The following ZNF749 variants were observed in gnomAD, a reference collection of about 807,000 sequenced individuals.
ZNF749 encodes the protein zinc finger protein 749.
ZNF749 carries 8 observed loss-of-function variants against 7.3 expected under a neutral mutation model. The observed-to-expected ratio is 1.10, with a 90% CI of 0.64 to 1.98. The LOEUF (loss-of-function observed/expected upper bound fraction) is 1.98, where lower values mean the gene tolerates loss of function less well. Among genes scored for constraint, ZNF749 ranks in the 30% most tolerant of loss-of-function variants. The probability of loss-of-function intolerance (pLI) is 0.00; values close to 1 mark genes in which losing one functional copy is unlikely to be tolerated. For synonymous variants in ZNF749, 310 were observed against 322.4 expected, an observed-to-expected ratio of 0.96 and a Z score of 0.41; for missense variants, 898 against 932.4, an observed-to-expected ratio of 0.96 and a Z score of 0.48.
Position 57,444,532 on chromosome 19 carries a change from G to A in ZNF749, c.1384G>A (p.Asp462Asn), listed in dbSNP as rs764690916. Residue 462 changes from aspartate (D) to asparagine (N), a missense_variant, in exon 3 of 3, where the codon GAT (aspartate) becomes AAT (asparagine). Physicochemically the swap from Asp to Asn is conservative, Grantham distance 23. Coordinates refer to ENST00000334181, the MANE Select transcript of ZNF749 (RefSeq NM_001023561.4). The part of the protein sequence containing the change: ...HLVQHQKIHT[D>N]AFSKRSDLIQ... ...AGTTCAGCACCAGAAAATCCACACT[G>A]ATGCATTTTCAAAAAGGTCTGACCT... is the stretch of plus-strand genomic sequence containing the variant. 5.6e-6 allele frequency: 9 copies of A among 1,613,792 alleles called. No homozygotes were observed. In the Admixed American group the frequency reaches 1.3e-4, roughly 24 times the overall value.
At position 57,442,101 on chromosome 19, in the gene ZNF749, T is replaced by C; in HGVS notation, c.142+90T>C. ...CAACTCTGTCTTTCCCACACCAGAT[T>C]GTGAGTGCTACGTCCTGTCCTCTCC... On this transcript the variant is annotated intron_variant, in intron 2 of 2. Transcript: ENST00000334181. This position sits in a 1 kb window ranked among gnomAD's most constrained non-coding sequence, Gnocchi z 6.6. 2 of 1,532,060 alleles carry C rather than the reference T, an allele frequency of 1.3e-6. No individual in the cohort carries two copies. The highest frequency in any genetic ancestry group is 1.8e-6 in the Non-Finnish European group (2 of 1,126,086). The allele number at this position is 1,532,060 out of a possible 1,614,324, so 94.9% of individuals were successfully genotyped here. A position where few individuals can be genotyped will look rare whatever the true frequency, so the allele number is the denominator to read the frequency against.
At position 57,442,932 on chromosome 19, in the gene ZNF749, G is replaced by T. The variant is rs1390734858; in HGVS notation, c.143-359G>T. Among the ~76,000 whole-genome samples, 4 of 152,092 alleles carry T rather than the reference G, an allele frequency of 2.6e-5. No homozygotes were observed. Among genetic ancestry groups the T allele is most frequent in the Admixed American group, 2.0e-4 (3 of 15,254 alleles). On this transcript the variant is annotated intron_variant, in intron 2 of 2. Transcript: ENST00000334181. This position sits in a 1 kb window ranked among gnomAD's most constrained non-coding sequence, Gnocchi z 6.6. ...TGACCTGTACTTTAGGTGTTATGAG[G>T]TCTGCGTGTATCCTTCAGTAGTCCA...
chr19:57,435,727 C>G, intron 1 of ZNF749, 134 bp downstream of exon 1: 7 of 1,455,096 alleles, frequency 4.8e-6, no homozygotes, highest in South Asian at 1.4e-5. Context: ...GGGACTGGGA[C>G]TGCGGTGCGA....
In ZNF749 at chr19:57,443,354, T is replaced by C. The variant is rs1294554099; in HGVS notation, c.206T>C (p.Leu69Ser). 6.2e-7 allele frequency: 1 copy of C among 1,614,162 alleles called. No individual in the cohort carries two copies. Among genetic ancestry groups the C allele is most frequent in the Non-Finnish European group, 8.5e-7 (1 of 1,179,992 alleles). The change falls in exon 3 of 3, where the codon TTA (leucine) becomes TCA (serine). Residue 69 changes from leucine to serine, a missense_variant. By Grantham distance (145) the Leu-to-Ser change is moderately radical. Coordinates refer to ENST00000334181, the MANE Select transcript of ZNF749 (RefSeq NM_001023561.4). ...AAGCAGTGTGTTTCTGTAAGAGTGTTACAGGTCACAATTCCAAAGCCAGCT... is the reference window on the plus strand; with the variant it reads ...AAGCAGTGTGTTTCTGTAAGAGTGTCACAGGTCACAATTCCAAAGCCAGCT... The part of the protein sequence containing the change: ...PSKQCVSVRV[L>S]QVTIPKPALS...
chr19:57,429,611 AG>A, the ZNF749 span, among the ~76,000 whole-genome samples: 1 of 152,264 alleles, frequency 6.6e-6, no homozygotes, highest in Admixed American at 6.5e-5. The surrounding 1 kb of genome is among the most constrained non-coding windows in gnomAD (Gnocchi z 4.2). Context: ...CCAAGTAGCT[AG>A]GACTAAAAGT....
At chr19:57,435,794 C>A in intron 1 of ZNF749, 1 of 1,114,150 alleles carries the variant, frequency 9.0e-7, no homozygotes, top group South Asian at 1.6e-5. Context: ...GGAGGCACTG[C>A]AGAACGGGCG....
rs1464520408 is a variant in ZNF749, at chr19:57,436,531, G to A, written c.15+938G>A. On this transcript the variant is annotated intron_variant, in intron 1 of 2. Transcript: ENST00000334181. The surrounding 1 kb of genome is among the most constrained non-coding windows in gnomAD (Gnocchi z 4.0). ...TTTCTGTTGAAAAAGAGGCCTGGAT[G>A]GATAAGGAGTTGCCCTGGAATACAG... 6.6e-6 allele frequency among the ~76,000 whole-genome samples: 1 copy of A among 152,102 alleles called. No individual in the cohort carries two copies. The highest frequency in any genetic ancestry group is 2.4e-5 in the African/African-American group (1 of 41,406).
chr19:57,435,627 C>T, intron 1 of ZNF749, 34 bp downstream of exon 1: 2 of 1,597,500 alleles, frequency 1.3e-6, no homozygotes, highest in Non-Finnish European at 1.7e-6. Context: ...CCCGCCCAAC[C>T]CCTCCTCCCA....
Position 57,444,677 on chromosome 19 carries a change from C to T in ZNF749, c.1529C>T (p.Pro510Leu). 6.2e-7 allele frequency: 1 copy of T among 1,609,556 alleles called. No homozygotes were observed. The highest frequency in any genetic ancestry group is 8.5e-7 in the Non-Finnish European group (1 of 1,178,662). ...GHQKIHTGER[P>L]YECTQCAKAF... ...CAGAAAATCCATACTGGAGAACGGC[C>T]TTATGAATGCACTCAATGTGCGAAG... Residue 510 changes from proline to leucine, a missense_variant, in exon 3 of 3, where the codon CCT becomes CTT. By Grantham distance (98) the Pro-to-Leu change is moderately conservative (BLOSUM62 -3). Coordinates refer to ENST00000334181, the MANE Select transcript of ZNF749 (RefSeq NM_001023561.4).
Position 57,445,223 on chromosome 19 carries a change from G to A in ZNF749, c.2075G>A (p.Gly692Glu). The A allele has an allele frequency of 6.2e-7, 1 of 1,614,022 alleles. No individual in the cohort carries two copies. Among genetic ancestry groups the A allele is most frequent in the Non-Finnish European group, 8.5e-7 (1 of 1,179,920 alleles). The change falls in exon 3 of 3, where the codon GGG becomes GAG. Residue 692 changes from glycine (G) to glutamate (E), a missense_variant. Physicochemically the swap from Gly to Glu is moderately conservative, Grantham distance 98. Transcript: ENST00000334181. ...ATTAAACATCATAAAGTTTGCACTG[G>A]GGAGAAGCCTCATGAGTGCAGTAAA... ...TFIKHHKVCT[G>E]EKPHECSKCR...
chr19:57,435,348 T>G lies in ZNF749; in HGVS notation c.-231T>G, dbSNP rs2088923259. Reference sequence around the variant, plus strand: ...GGACTTCTGGCGGCGCCCTCATGGTTGCGTTAGCATGGCTACCTAGGGATC... The same window carrying G: ...GGACTTCTGGCGGCGCCCTCATGGTGGCGTTAGCATGGCTACCTAGGGATC... On this transcript the variant is annotated 5_prime_UTR_variant, in exon 1 of 3. Coordinates refer to ENST00000334181, the MANE Select transcript of ZNF749 (RefSeq NM_001023561.4). 4 of 628,312 alleles carry G rather than the reference T, an allele frequency of 6.4e-6. No individual in the cohort carries two copies. Among genetic ancestry groups the G allele is most frequent in the Non-Finnish European group, 1.1e-5 (4 of 361,560 alleles). The allele number at this position is 628,312 out of a possible 1,614,324, so 38.9% of individuals were successfully genotyped here. A position where few individuals can be genotyped will look rare whatever the true frequency, so the allele number is the denominator to read the frequency against.
chr19:57,430,386 G>T (rs756786713), upstream of ZNF749, among the ~76,000 whole-genome samples: 2 of 152,148 alleles, frequency 1.3e-5, no homozygotes, highest in Non-Finnish European at 2.9e-5. Context: ...ATGATCTGAA[G>T]CCTCTTAAAG....
Position 57,435,384 on chromosome 19 carries a change from T to C in ZNF749, c.-195T>C. ...GGCTACCTAGGGATCTGTTCACTGATTTAGAGGGTCCCAGAGCTCTGGGTC... is the reference window on the plus strand; with the variant it reads ...GGCTACCTAGGGATCTGTTCACTGACTTAGAGGGTCCCAGAGCTCTGGGTC... On this transcript the variant is annotated 5_prime_UTR_variant, in exon 1 of 3. Coordinates refer to ENST00000334181, the MANE Select transcript of ZNF749 (RefSeq NM_001023561.4). 1.3e-6 allele frequency: 1 copy of C among 776,024 alleles called. No homozygotes were observed. The highest frequency in any genetic ancestry group is 2.1e-6 in the Non-Finnish European group (1 of 480,442). 48.1% of individuals were successfully genotyped at this position (776,024 alleles called of 1,614,324 possible).
At position 57,443,488 on chromosome 19, in the gene ZNF749, T is replaced by C; in HGVS notation, c.340T>C (p.Cys114Arg). Residue 114 changes from cysteine (C) to arginine (R), a missense_variant, in exon 3 of 3, where the codon TGT becomes CGT. Transcript: ENST00000334181. Reference protein sequence around the residue: ...GTHPEQGLYTCAAEHDLHQKE... With the variant: ...GTHPEQGLYTRAAEHDLHQKE... ...ACACCCTGAGCAAGGGCTGTACACA[T>C]GTGCAGCAGAGCATGACCTGCACCA... 6.2e-7 allele frequency: 1 copy of C among 1,614,172 alleles called. No individual in the cohort carries two copies. The highest frequency in any genetic ancestry group is 8.5e-7 in the Non-Finnish European group (1 of 1,180,000).
chr19:57,439,256 G>A lies in ZNF749; in HGVS notation c.16-2629G>A, dbSNP rs548743431. On this transcript the variant is annotated intron_variant, in intron 1 of 2. Coordinates refer to ENST00000334181, the MANE Select transcript of ZNF749 (RefSeq NM_001023561.4). The surrounding 1 kb of genome is among the most constrained non-coding windows in gnomAD (Gnocchi z 4.3). ...TGGCGGTGGTGGAAGTGGGAGGAGT[G>A]GGGGGCTTCTGTATGTGTTTGATCT... Among the ~76,000 whole-genome samples, 3 of 152,048 alleles carry A rather than the reference G, an allele frequency of 2.0e-5. No individual in the cohort carries two copies. The highest frequency in any genetic ancestry group is 4.2e-4 in the South Asian group (2 of 4,796).
At chr19:57,431,927 A>G (rs1600099446), upstream of ZNF749, among the ~76,000 whole-genome samples, 1 of 152,230 alleles carries the variant, frequency 6.6e-6, no homozygotes, top group East Asian at 1.9e-4. Flanking sequence ...GATTCAAGCA[A>G]TTCTCCTGCC....
upstream of ZNF749, among the ~76,000 whole-genome samples, chr19:57,432,064 C>G (rs2088901388): frequency 6.6e-6 from 1 of 151,890 alleles, no homozygotes; most frequent in Non-Finnish European, 1.5e-5. Context: ...AACTCCGGAC[C>G]TCAGGTGATC....
In ZNF749 at chr19:57,439,748, C is replaced by CAA. The variant is rs201662388; in HGVS notation, c.16-2135_16-2134dup. ...CTCCAGCCTGGGCAACAGAGTAAGACAAACAAAAACAAAAATCCAAGCCAA... is the reference window on the plus strand; with the variant it reads ...CTCCAGCCTGGGCAACAGAGTAAGACAAAAACAAAAACAAAAATCCAAGCCAA... On this transcript the variant is annotated intron_variant, in intron 1 of 2. Coordinates refer to ENST00000334181, the MANE Select transcript of ZNF749 (RefSeq NM_001023561.4). The surrounding 1 kb of genome is among the most constrained non-coding windows in gnomAD (Gnocchi z 4.3). Among the ~76,000 whole-genome samples the CAA allele has an allele frequency of 7.2e-3, 1,095 of 152,186 alleles. 13 individuals are homozygous for CAA. The highest frequency in any genetic ancestry group is 0.025 in the African/African-American group (1,033 of 41,520).
intron 1 of ZNF749, 108 bp downstream of exon 1, chr19:57,435,701 C>T: frequency 6.7e-7 from 1 of 1,501,456 alleles, no homozygotes; most frequent in Non-Finnish European, 8.9e-7. Flanking sequence ...GAGGGGCGTT[C>T]TTGTGTGGGG....
Sources: allele counts gnomAD v4.1 joint callset (sites outside exome capture counted in the v4.1 genomes callset), GRCh38; gene constraint gnomAD v4.1.1; non-coding constraint Gnocchi (gnomAD v3.1); transcripts MANE v1.5; gene names NCBI Gene and HGNC (gene_info 2026-07-23, HGNC 2026-07-21).